The following PRKCE variants were observed in gnomAD, a reference collection of about 807,000 sequenced individuals.
PRKCE encodes protein kinase C epsilon, also known as protein kinase C epsilon type.
A neutral mutation model predicts 85.4 loss-of-function variants in PRKCE; 16 were observed. The observed-to-expected ratio is 0.19, with a 90% CI of 0.13 to 0.28. The LOEUF (loss-of-function observed/expected upper bound fraction) is 0.28, where lower values mean the gene tolerates loss of function less well. Among genes scored for constraint, PRKCE ranks in the 10% least tolerant of loss-of-function variants. The probability of loss-of-function intolerance (pLI) is 1.00; values close to 1 mark genes in which losing one functional copy is unlikely to be tolerated. For synonymous variants in PRKCE, 388 were observed against 371.5 expected, an observed-to-expected ratio of 1.04 and a Z score of -0.51; for missense variants, 573 against 975.2, an observed-to-expected ratio of 0.59 and a Z score of 5.49.
intron 1 of PRKCE, among the ~76,000 whole-genome samples, chr2:45,840,116 G>A (rs1324443146): frequency 6.6e-6 from 1 of 152,114 alleles, no homozygotes; most frequent in Non-Finnish European, 1.5e-5. Context: ...CTCCCTCCCT[G>A]CTTTACACAG....
chr2:46,029,248 A>G (rs1269268885), intron 10 of PRKCE, among the ~76,000 whole-genome samples: 3 of 152,208 alleles, frequency 2.0e-5, no homozygotes, highest in African/African-American at 7.2e-5. Context: ...CCAACGTCAC[A>G]TAGTTAAGAA....
chr2:45,687,607 A>G (rs889771056), intron 1 of PRKCE, among the ~76,000 whole-genome samples: 5 of 152,204 alleles, frequency 3.3e-5, no homozygotes, highest in Admixed American at 6.5e-5. Context: ...ATATTTGAGA[A>G]TATTTCTTGT....
chr2:45,967,037 T>C (rs1701779074), intron 2 of PRKCE, among the ~76,000 whole-genome samples: 1 of 152,226 alleles, frequency 6.6e-6, no homozygotes, highest in Admixed American at 6.5e-5. Context: ...TGGCTGTATA[T>C]GTCTGATCTC....
intron 1 of PRKCE, among the ~76,000 whole-genome samples, chr2:45,829,869 C>T (rs565528069): frequency 3.4e-4 from 51 of 151,812 alleles, no homozygotes; most frequent in African/African-American, 1.2e-3. Flanking sequence ...GTCAGGAGAT[C>T]GAGACCATCC....
At chr2:46,173,408 A>T (rs2104671594) in intron 14 of PRKCE, among the ~76,000 whole-genome samples, 1 of 152,332 alleles carries the variant, frequency 6.6e-6, no homozygotes, top group South Asian at 2.1e-4. Context: ...AGGGGTGGGA[A>T]CCCCATTTAA....
intron 1 of PRKCE, among the ~76,000 whole-genome samples, chr2:45,826,928 A>G (rs939619805): frequency 6.6e-6 from 1 of 152,178 alleles, no homozygotes; most frequent in Admixed American, 6.5e-5. Context: ...TGTCTGGACT[A>G]TTGCCATAGG....
At chr2:45,693,448 G>A (rs1677897153) in intron 1 of PRKCE, among the ~76,000 whole-genome samples, 1 of 152,140 alleles carries the variant, frequency 6.6e-6, no homozygotes, top group Admixed American at 6.5e-5. Flanking sequence ...GAGAGAAAGT[G>A]GACAGAAGAG....
chr2:45,969,787 G>A lies in PRKCE; in HGVS notation c.413-6642G>A, dbSNP rs563077824. ...AATCCCATCATCCTAGTGGAGCGCC[G>A]TTCTTACGTTATCTTCAGCCTGCAA... On this transcript the variant is annotated intron_variant, in intron 2 of 14. Transcript: ENST00000306156. Among the ~76,000 whole-genome samples the A allele has an allele frequency of 9.8e-5, 15 of 152,304 alleles. No individual in the cohort carries two copies. The South Asian group carries it at 1.0e-3, about 11-fold the overall frequency.
intron 2 of PRKCE, among the ~76,000 whole-genome samples, chr2:45,861,248 C>T (rs949750366): frequency 3.3e-5 from 5 of 152,138 alleles, no homozygotes; most frequent in African/African-American, 1.2e-4. Flanking sequence ...TTGGTTCTAA[C>T]CTCCACAGGC....
intron 10 of PRKCE, among the ~76,000 whole-genome samples, chr2:46,031,161 A>T (rs1238536342): frequency 2.0e-5 from 3 of 152,246 alleles, no homozygotes; most frequent in African/African-American, 7.2e-5. Context: ...CTTTACAAAT[A>T]AACGAAAAGA....
intron 2 of PRKCE, among the ~76,000 whole-genome samples, chr2:45,883,339 GA>G (rs759899121): frequency 7.2e-5 from 11 of 152,246 alleles, no homozygotes; most frequent in Non-Finnish European, 2.9e-5. Flanking sequence ...CTGCAGGGAT[GA>G]CCCTTGGCTG....
intron 10 of PRKCE, among the ~76,000 whole-genome samples, chr2:46,047,778 G>T (rs559773648): frequency 9.7e-4 from 148 of 152,228 alleles, no homozygotes; most frequent in African/African-American, 3.5e-3. Context: ...TTGGAAAAAA[G>T]ATTTTTTCAA....
chr2:46,039,903 A>G (rs963109892), intron 10 of PRKCE, among the ~76,000 whole-genome samples: 5 of 152,182 alleles, frequency 3.3e-5, no homozygotes, highest in African/African-American at 1.2e-4. Context: ...TCTCCGCACC[A>G]TCCTAGATTT....
intron 1 of PRKCE, among the ~76,000 whole-genome samples, chr2:45,802,593 T>C (rs1687952419): frequency 1.3e-5 from 2 of 152,210 alleles, no homozygotes; most frequent in Admixed American, 1.3e-4. Context: ...TACATTAAAA[T>C]GTATTAAAGT....
At chr2:45,718,622 A>T (rs1022206322) in intron 1 of PRKCE, among the ~76,000 whole-genome samples, 1 of 152,108 alleles carries the variant, frequency 6.6e-6, no homozygotes, top group African/African-American at 2.4e-5. Flanking sequence ...GATTATAGGC[A>T]TGAGCCACTG....
At chr2:45,975,203 G>T (rs976731069) in intron 2 of PRKCE, among the ~76,000 whole-genome samples, 4 of 152,126 alleles carry the variant, frequency 2.6e-5, no homozygotes, top group Admixed American at 2.0e-4. Flanking sequence ...TTGTTTCGAG[G>T]GTTCATTGAG....
intron 1 of PRKCE, among the ~76,000 whole-genome samples, chr2:45,671,438 G>A (rs1042462725): frequency 2.0e-5 from 3 of 152,122 alleles, no homozygotes; most frequent in Non-Finnish European, 4.4e-5. Flanking sequence ...TGGCCTAGAA[G>A]GTATTGATAT....
At chr2:45,860,033 A>G (rs2105643017) in intron 2 of PRKCE, among the ~76,000 whole-genome samples, 1 of 152,134 alleles carries the variant, frequency 6.6e-6, no homozygotes, top group African/African-American at 2.4e-5. Context: ...AGCTGCTTTT[A>G]TTTCATTGTA....
chr2:46,017,393 C>T (rs1706258029), intron 10 of PRKCE, among the ~76,000 whole-genome samples: 1 of 152,192 alleles, frequency 6.6e-6, no homozygotes, highest in South Asian at 2.1e-4. Context: ...TAATTTCCTT[C>T]CTTTTAAAGG....
Sources: gnomAD v4.1 joint callset for allele counts (sites outside exome capture counted in the v4.1 genomes callset) on GRCh38, gnomAD v4.1.1 for gene constraint, MANE v1.5 for transcripts, NCBI Gene and HGNC (gene_info 2026-07-23, HGNC 2026-07-21) for gene names.